Variants in B3GALT1 observed in about 807,000 individuals in gnomAD.
B3GALT1 encodes the protein beta-1,3-galactosyltransferase 1, also known as UDP-Gal:betaGlcNAc beta 1,3-galactosyltransferase, polypeptide 1.
A neutral mutation model predicts 23.2 loss-of-function variants in B3GALT1; 10 were observed. The observed-to-expected ratio is 0.43, with a 90% confidence interval of 0.27 to 0.73. The LOEUF (loss-of-function observed/expected upper bound fraction) is 0.73, where lower values mean the gene tolerates loss of function less well. Among genes scored for constraint, B3GALT1 ranks in the 30% least tolerant of loss-of-function variants. B3GALT1 has a pLI of 0.21. For synonymous variants in B3GALT1, 156 were observed against 141.5 expected, an observed-to-expected ratio of 1.10 and a Z score of -0.73; for missense variants, 299 against 405.4, an observed-to-expected ratio of 0.74 and a Z score of 2.25.
At chr2:167,612,616 T>A (rs909043466) in intron 2 of B3GALT1, among the ~76,000 whole-genome samples, 14 of 151,972 alleles carry the variant, frequency 9.2e-5, no homozygotes, top group Non-Finnish European at 1.6e-4. Context: ...AACATTTTTT[T>A]ATTTGCTTTT....
chr2:167,682,518 A>G (rs1005108227), intron 3 of B3GALT1, among the ~76,000 whole-genome samples: 2 of 152,222 alleles, frequency 1.3e-5, no homozygotes, highest in African/African-American at 2.4e-5. Context: ...AAAGTCTTCA[A>G]TGACCTATTA....
chr2:167,817,650 C>T (rs1467929500), intron 3 of B3GALT1, among the ~76,000 whole-genome samples: 3 of 152,192 alleles, frequency 2.0e-5, no homozygotes, highest in East Asian at 3.8e-4. Context: ...CATGGGGCCA[C>T]ACTGCTGAAA....
intron 3 of B3GALT1, chr2:167,715,030 T>C: frequency 1.2e-6 from 2 of 1,611,682 alleles, no homozygotes; most frequent in Non-Finnish European, 1.7e-6. Context: ...CTTCCTTTGT[T>C]TTGTCCACTT....
chr2:167,762,338 C>G (rs1558971147), intron 3 of B3GALT1, among the ~76,000 whole-genome samples: 1 of 152,094 alleles, frequency 6.6e-6, no homozygotes, highest in Non-Finnish European at 1.5e-5. Flanking sequence ...ACTATTTCTT[C>G]TTCTACTCTG....
At chr2:167,597,267 C>T (rs1454689278) in intron 2 of B3GALT1, among the ~76,000 whole-genome samples, 1 of 152,064 alleles carries the variant, frequency 6.6e-6, no homozygotes, top group Non-Finnish European at 1.5e-5. Flanking sequence ...AGGCGCCAGC[C>T]ACCATGCCCG....
chr2:167,392,462 C>T (rs1698028278), intron 1 of B3GALT1, among the ~76,000 whole-genome samples: 1 of 152,042 alleles, frequency 6.6e-6, no homozygotes, highest in Non-Finnish European at 1.5e-5. Flanking sequence ...TTTTGATACT[C>T]AATTCATGGT....
intron 1 of B3GALT1, among the ~76,000 whole-genome samples, chr2:167,351,086 T>C (rs1271427937): frequency 4.6e-5 from 7 of 152,042 alleles, no homozygotes; most frequent in Non-Finnish European, 7.4e-5. Context: ...CTGGCCAACA[T>C]GGTGAAACCC....
chr2:167,810,160 C>T (rs112479918), intron 3 of B3GALT1, among the ~76,000 whole-genome samples: 13,137 of 151,012 alleles, frequency 0.087, 805 homozygotes, highest in Middle Eastern at 0.21. Context: ...GGGAGTGACC[C>T]GATTTTCCAG....
chr2:167,405,082 C>T (rs1358367214), intron 1 of B3GALT1, among the ~76,000 whole-genome samples: 1 of 152,160 alleles, frequency 6.6e-6, no homozygotes, highest in African/African-American at 2.4e-5. Context: ...CTTTGAGTTA[C>T]TGCCCTTAAG....
chr2:167,439,022 G>A (rs755026563), intron 1 of B3GALT1, among the ~76,000 whole-genome samples: 2 of 152,192 alleles, frequency 1.3e-5, no homozygotes, highest in Non-Finnish European at 2.9e-5. Flanking sequence ...ACAAAGAAAG[G>A]CCTGGCTCCC....
chr2:167,576,935 C>T (rs566467313), intron 2 of B3GALT1, among the ~76,000 whole-genome samples: 5 of 151,790 alleles, frequency 3.3e-5, no homozygotes, highest in African/African-American at 1.2e-4. Flanking sequence ...ATGGAGAAAA[C>T]AAAAGAGAAA....
rs551374604 is a variant in B3GALT1 at position 167,824,098 on chromosome 2, T to A, written c.-230+5305T>A. Among the ~76,000 whole-genome samples the A allele has an allele frequency of 1.9e-3, 297 of 152,330 alleles. 2 individuals carry two copies. The highest frequency in any genetic ancestry group is 6.9e-3 in the African/African-American group (287 of 41,560). On this transcript the variant is annotated intron_variant, in intron 4 of 4. Coordinates refer to ENST00000392690, the MANE Select transcript of B3GALT1 (RefSeq NM_020981.4). ...AGTTGGGAAGAATATTCCAAATTCT[T>A]AAAACTAGAGTAAAAACAGTATATT...
At chr2:167,752,479 A>G (rs1039985565) in intron 3 of B3GALT1, among the ~76,000 whole-genome samples, 1 of 151,602 alleles carries the variant, frequency 6.6e-6, no homozygotes, top group Non-Finnish European at 1.5e-5. Context: ...ATTTATGTAG[A>G]TTTATTGTAA....
At chr2:167,521,998 A>G (rs1003266325) in intron 2 of B3GALT1, among the ~76,000 whole-genome samples, 1 of 146,600 alleles carries the variant, frequency 6.8e-6, no homozygotes, top group African/African-American at 2.5e-5. Context: ...ATATATATAT[A>G]TATATATACA....
intron 2 of B3GALT1, among the ~76,000 whole-genome samples, chr2:167,499,039 A>G (rs113092663): frequency 1.3e-5 from 2 of 152,262 alleles, no homozygotes; most frequent in African/African-American, 2.4e-5. Context: ...TGGTGGTTAC[A>G]CTTTTATATT....
At chr2:167,583,090 ACTC>A (rs746474232) in intron 2 of B3GALT1, among the ~76,000 whole-genome samples, 17 of 151,950 alleles carry the variant, frequency 1.1e-4, no homozygotes, top group Admixed American at 3.3e-4. Context: ...AGGGACAAGA[ACTC>A]CTCTGCTCTC....
chr2:167,609,085 GACTT>G (rs1490997629), intron 2 of B3GALT1, among the ~76,000 whole-genome samples: 1 of 152,102 alleles, frequency 6.6e-6, no homozygotes, highest in African/African-American at 2.4e-5. Context: ...TGGGACCCAT[GACTT>G]ACTTATATTT....
At chr2:167,757,243 T>G (rs999650578) in intron 3 of B3GALT1, among the ~76,000 whole-genome samples, 3 of 152,146 alleles carry the variant, frequency 2.0e-5, no homozygotes, top group Non-Finnish European at 2.9e-5. Flanking sequence ...AGTGTAATAA[T>G]GGGCTGTGTG....
intron 2 of B3GALT1, among the ~76,000 whole-genome samples, chr2:167,554,214 G>C (rs752992965): frequency 1.3e-5 from 2 of 152,192 alleles, no homozygotes; most frequent in Non-Finnish European, 2.9e-5. Flanking sequence ...TGGTGTTTAA[G>C]AGAAGATACA....
Sources: allele counts gnomAD v4.1 joint callset (sites outside exome capture counted in the v4.1 genomes callset), GRCh38; gene constraint gnomAD v4.1.1; transcripts MANE v1.5; gene names NCBI Gene and HGNC (gene_info 2026-07-23, HGNC 2026-07-21).